Variants in LAMA1 observed in about 807,000 individuals in gnomAD.
The protein encoded by LAMA1 is laminin subunit alpha-1.
LAMA1 carries 219 observed loss-of-function variants against 348.7 expected under a neutral mutation model. That is an observed-to-expected ratio of 0.63 (90% CI 0.56 to 0.70). The LOEUF (loss-of-function observed/expected upper bound fraction) is 0.70, where lower values mean the gene tolerates loss of function less well. Among genes scored for constraint, LAMA1 ranks in the 30% least tolerant of loss-of-function variants. The pLI is 0.00. For missense variants in LAMA1, 3,744 were observed against 3,888.0 expected (o/e 0.96, Z 0.99); for synonymous variants, 1,487 against 1,491.0 (o/e 1.00, Z 0.06).
chr18:6,995,159 G>A (rs774967761), intron 34 of LAMA1, among the ~76,000 whole-genome samples, 198 bp downstream of exon 34: 23 of 152,178 alleles, frequency 1.5e-4, no homozygotes, highest in Admixed American at 4.6e-4. Context: ...ACATTAAGTC[G>A]GGAGCCTTTT....
At position 7,013,764 on chromosome 18, in the gene LAMA1, C is replaced by A. The variant is rs768649224; in HGVS notation, c.3363+51G>T. ...AGGTAAGTAGTCAAAGCCCAGGAGT[C>A]ATGATGAGGAGCCAGAGACAGGATG... On this transcript the variant is annotated intron_variant, in intron 23 of 62. Coordinates refer to ENST00000389658, the MANE Select transcript of LAMA1 (RefSeq NM_005559.4). 3.2e-6 allele frequency: 5 copies of A among 1,576,366 alleles called. No homozygotes were observed. In the African/African-American group the frequency reaches 5.4e-5, roughly 17 times the overall value.
intron 35 of LAMA1, 98 bp downstream of exon 35, chr18:6,993,543 A>T: frequency 2.1e-6 from 2 of 939,266 alleles, no homozygotes; most frequent in South Asian, 1.3e-5. Flanking sequence ...CGGAAACCCG[A>T]TGCAAGAGAT....
chr18:6,949,454 T>C (rs928631607), intron 58 of LAMA1, among the ~76,000 whole-genome samples, 195 bp from the exon 59 acceptor site: 4 of 152,194 alleles, frequency 2.6e-5, no homozygotes, highest in African/African-American at 7.2e-5. Context: ...GAGGCAGGTA[T>C]GAAACTGCCT....
At chr18:6,968,912 A>G (rs2057645912) in intron 48 of LAMA1, among the ~76,000 whole-genome samples, 1 of 152,224 alleles carries the variant, frequency 6.6e-6, no homozygotes, top group South Asian at 2.1e-4. Context: ...ACACAAACAG[A>G]AAGGGACAAG....
At chr18:6,966,539 AT>A (rs1488702264) in intron 48 of LAMA1, among the ~76,000 whole-genome samples, 2 of 152,196 alleles carry the variant, frequency 1.3e-5, no homozygotes, top group African/African-American at 4.8e-5. Flanking sequence ...GTAAAAATAC[AT>A]TTCTTTACAG....
At chr18:7,013,745 G>A in intron 23 of LAMA1, 70 bp downstream of exon 23, 2 of 1,471,624 alleles carry the variant, frequency 1.4e-6, no homozygotes, top group Non-Finnish European at 1.9e-6. Context: ...GCTTAGGTAA[G>A]TAGTCAAAGC....
chr18:7,055,298 C>G (rs1339160589), intron 3 of LAMA1, among the ~76,000 whole-genome samples: 1 of 151,358 alleles, frequency 6.6e-6, no homozygotes, highest in Non-Finnish European at 1.5e-5. Context: ...TAAAAAAATA[C>G]AAAAATTAGC....
chr18:6,959,537 A>G (rs1340973727), intron 53 of LAMA1, 45 bp from the exon 54 acceptor site: 2 of 1,606,370 alleles, frequency 1.2e-6, no homozygotes, highest in East Asian at 2.2e-5. Context: ...ACACATTACT[A>G]TATGATTTAG....
At chr18:6,993,402 A>G (rs616396) in intron 35 of LAMA1, among the ~76,000 whole-genome samples, 12,682 of 152,214 alleles carry the variant, frequency 0.083, 804 homozygotes, top group African/African-American at 0.18. Flanking sequence ...CTTGAGAATT[A>G]GGATCTAAGT....
intron 3 of LAMA1, among the ~76,000 whole-genome samples, chr18:7,056,713 A>C (rs2143738174): frequency 6.6e-6 from 1 of 152,326 alleles, no homozygotes; most frequent in East Asian, 1.9e-4. Flanking sequence ...GACCGGGTTC[A>C]TATGTTAAGC....
intron 16 of LAMA1, among the ~76,000 whole-genome samples, chr18:7,031,264 C>A (rs1345508059): frequency 2.6e-5 from 4 of 152,078 alleles, no homozygotes; most frequent in Non-Finnish European, 4.4e-5. Context: ...AGGATCAAAC[C>A]CATGAGACCC....
chr18:6,952,724 G>T (rs958148045), intron 57 of LAMA1, among the ~76,000 whole-genome samples: 1 of 152,264 alleles, frequency 6.6e-6, no homozygotes, highest in African/African-American at 2.4e-5. Context: ...TGCCCAGAAA[G>T]TGAATCCTGT....
At chr18:7,047,045 C>CTTT (rs11312379) in intron 5 of LAMA1, among the ~76,000 whole-genome samples, 7 of 133,200 alleles carry the variant, frequency 5.3e-5, no homozygotes, top group African/African-American at 1.9e-4. Context: ...GCCTTGATTT[C>CTTT]TTTTTTTTTT....
intron 9 of LAMA1, among the ~76,000 whole-genome samples, chr18:7,040,562 T>C (rs2058016078): frequency 1.3e-5 from 2 of 152,166 alleles, no homozygotes; most frequent in African/African-American, 2.4e-5. Flanking sequence ...GCTGGGAATA[T>C]AAAATGGTAG....
intron 1 of LAMA1, among the ~76,000 whole-genome samples, chr18:7,095,452 A>C (rs558964436): frequency 1.3e-5 from 2 of 152,144 alleles, no homozygotes; most frequent in East Asian, 1.9e-4. Context: ...TCTCCCTTTC[A>C]GTTCTTGGTT....
intron 42 of LAMA1, among the ~76,000 whole-genome samples, chr18:6,979,447 C>A (rs149511736): frequency 6.6e-6 from 1 of 152,150 alleles, no homozygotes; most frequent in Non-Finnish European, 1.5e-5. Flanking sequence ...GCAAGAGGGT[C>A]GCTTGAGGCC....
intron 36 of LAMA1, among the ~76,000 whole-genome samples, chr18:6,987,536 T>C (rs1346503023): frequency 6.6e-6 from 1 of 152,218 alleles, no homozygotes; most frequent in Admixed American, 6.5e-5. Flanking sequence ...CTGATTTAAA[T>C]CAATTTTGAA....
chr18:6,984,506 T>C (rs35959707), intron 39 of LAMA1, among the ~76,000 whole-genome samples: 26,745 of 151,972 alleles, frequency 0.18, 2,924 homozygotes, highest in Non-Finnish European at 0.25. Flanking sequence ...AATCACAAAA[T>C]CCTACACCCC....
At chr18:7,086,127 C>G (rs1306319578) in intron 1 of LAMA1, among the ~76,000 whole-genome samples, 1 of 152,190 alleles carries the variant, frequency 6.6e-6, no homozygotes, top group East Asian at 1.9e-4. Flanking sequence ...CTTAGGTGTG[C>G]AGCACTGTGC....
Sources: gnomAD v4.1 joint callset for allele counts (sites outside exome capture counted in the v4.1 genomes callset) on GRCh38, gnomAD v4.1.1 for gene constraint, MANE v1.5 for transcripts, NCBI Gene and HGNC (gene_info 2026-07-23, HGNC 2026-07-21) for gene names.